BFSP1: variants seen among roughly 807,000 people sequenced by gnomAD.
BFSP1 encodes the protein filensin.
BFSP1 carries 38 observed loss-of-function variants against 43.9 expected under a neutral mutation model. The ratio of observed to expected loss-of-function variants is 0.87; its 90% CI spans 0.67 to 1.14. The LOEUF (loss-of-function observed/expected upper bound fraction) is 1.14, where lower values mean the gene tolerates loss of function less well. Ranked by LOEUF, BFSP1 falls within the 50% of genes most tolerant of loss-of-function variation. The pLI is 0.00. For synonymous variants in BFSP1, 352 were observed against 354.8 expected, an observed-to-expected ratio of 0.99 and a Z score of 0.09; for missense variants, 850 against 875.1, an observed-to-expected ratio of 0.97 and a Z score of 0.36.
At chr20:17,561,504 A>G (rs1316654141), upstream of BFSP1, among the ~76,000 whole-genome samples, 1 of 146,522 alleles carries the variant, frequency 6.8e-6, no homozygotes, top group East Asian at 1.9e-4. Context: ...GCCTCAAAGA[A>G]AAAAAAAAAA....
chr20:17,518,553 G>T lies in BFSP1; in HGVS notation c.439-3737C>A, dbSNP rs575406507. 2.0e-5 allele frequency among the ~76,000 whole-genome samples: 3 copies of T among 152,314 alleles called. No homozygotes were observed. The South Asian group carries it at 6.2e-4, about 32-fold the overall frequency. On this transcript the variant is annotated intron_variant, in intron 2 of 7. Coordinates refer to ENST00000377873, the MANE Select transcript of BFSP1 (RefSeq NM_001195.5). ...TTCCTACCGCAGGGGAAGTGGGCAG[G>T]CCCCTTGGAGATCCTGGTGTCTGGT... is the stretch of plus-strand genomic sequence containing the variant.
At chr20:17,514,608 C>T (rs1325289906) in intron 3 of BFSP1, 113 bp downstream of exon 3, 14 of 1,048,538 alleles carry the variant, frequency 1.3e-5, no homozygotes, top group East Asian at 5.0e-5. Context: ...CGAGGGAAAA[C>T]GCACAAAGGT....
chr20:17,494,184 T>C lies in BFSP1; in HGVS notation c.1888A>G (p.Lys630Glu), dbSNP rs1415196441. 26 of 1,613,946 alleles carry C rather than the reference T, an allele frequency of 1.6e-5. No individual in the cohort carries two copies. The highest frequency in any genetic ancestry group is 2.1e-5 in the Non-Finnish European group (25 of 1,180,060). The change falls in exon 8 of 8, where the codon AAG becomes GAG. Residue 630 changes from lysine (K) to glutamate (E), a missense_variant. Physicochemically the swap from Lys to Glu is moderately conservative, Grantham distance 56. Transcript: ENST00000377873. ...KTVEVVESIEKISTESIQTYE... is the reference protein window; with the variant it reads ...KTVEVVESIEEISTESIQTYE... Reference sequence around the variant, plus strand: ...GTCTGAATGCTCTCCGTGGAAATCTTCTCGATAGATTCCACCACTTCCACT... The same window carrying C: ...GTCTGAATGCTCTCCGTGGAAATCTCCTCGATAGATTCCACCACTTCCACT...
In BFSP1 at chr20:17,507,343, C is replaced by T. The variant is rs1331710238; in HGVS notation, c.735+1546G>A. Among the ~76,000 whole-genome samples, 1 of 150,720 alleles carries T rather than the reference C, an allele frequency of 6.6e-6. No homozygotes were observed. The highest frequency in any genetic ancestry group is 2.0e-4 in the East Asian group (1 of 5,102). On this transcript the variant is annotated intron_variant, in intron 5 of 7. Coordinates refer to ENST00000377873, the MANE Select transcript of BFSP1 (RefSeq NM_001195.5). The surrounding 1 kb of genome is among the most constrained non-coding windows in gnomAD (Gnocchi z 4.4). The stretch of plus-strand genomic sequence containing the variant: ...TCCATATGGATATAGAGAGATAAAA[C>T]AAGGGCTTCACAAAACAAATCCTCC...
Position 17,524,924 on chromosome 20 carries a change from A to AT in BFSP1, c.378-17dup. 6.2e-7 allele frequency: 1 copy of AT among 1,609,676 alleles called. No individual in the cohort carries two copies. Among genetic ancestry groups the AT allele is most frequent in the Non-Finnish European group, 8.5e-7 (1 of 1,175,916 alleles). On this transcript the variant is annotated splice_polypyrimidine_tract_variant and intron_variant, in intron 1 of 7. Transcript: ENST00000377873. ...ATTTTCATACCTGCAAATTGGACACATAAGTGAGAGTTGGGTAACTACCAT... is the reference window on the plus strand; with the variant it reads ...ATTTTCATACCTGCAAATTGGACACATTAAGTGAGAGTTGGGTAACTACCAT...
At position 17,498,858 on chromosome 20, in the gene BFSP1, C is replaced by T. The variant is rs376206412; in HGVS notation, c.918G>A (p.Leu306=). The change falls in exon 6 of 8, where the codon CTG becomes CTA. Residue 306 remains leucine, a synonymous_variant. Transcript: ENST00000377873. Reference sequence around the variant, plus strand: ...TCTCGATGATACGATGATACCGGTCCAGCTCATTCTTCAGGGTTTGCTGGG... The same window carrying T: ...TCTCGATGATACGATGATACCGGTCTAGCTCATTCTTCAGGGTTTGCTGGG... ...AVAQQTLKNE[L]DRYHRIIEIE... 1.1e-5 allele frequency: 18 copies of T among 1,613,472 alleles called. No individual in the cohort carries two copies. Among genetic ancestry groups the T allele is most frequent in the Non-Finnish European group, 1.5e-5 (18 of 1,180,048 alleles).
In BFSP1 at chr20:17,547,051, T is replaced by C. The variant is rs550816585; in HGVS notation, c.2+11637A>G. ...CAAAAAAAAAAAAAAAAAAAAAGAT[T>C]TGGGTGGGGACACAGAGCCAAACAA... is the stretch of plus-strand genomic sequence containing the variant. On this transcript the variant is annotated intron_variant, in intron 1 of 7. Transcript: ENST00000377868. 2.3e-3 allele frequency among the ~76,000 whole-genome samples: 341 copies of C among 150,230 alleles called. 6 individuals are homozygous for C. Among genetic ancestry groups the C allele is most frequent in the Admixed American group, 0.014 (217 of 15,110 alleles).
At chr20:17,550,415 G>C (rs978946403) in intron 1 of BFSP1, among the ~76,000 whole-genome samples, 2 of 150,170 alleles carry the variant, frequency 1.3e-5, no homozygotes, top group Non-Finnish European at 1.5e-5. Context: ...AAAGAAAACT[G>C]TTCTTGGCAT....
chr20:17,542,325 C>T (rs1011999090), intron 1 of BFSP1, among the ~76,000 whole-genome samples: 2 of 151,588 alleles, frequency 1.3e-5, no homozygotes, highest in Non-Finnish European at 2.9e-5. Flanking sequence ...CATTGTGGCT[C>T]ATGCCTGTAA....
chr20:17,534,075 A>G (rs2034591292), upstream of BFSP1, among the ~76,000 whole-genome samples: 1 of 152,244 alleles, frequency 6.6e-6, no homozygotes, highest in Non-Finnish European at 1.5e-5. Flanking sequence ...ATATTTGTCA[A>G]CAGCCCTAAA....
At chr20:17,552,567 A>G (rs2034912887) in intron 1 of BFSP1, among the ~76,000 whole-genome samples, 1 of 152,232 alleles carries the variant, frequency 6.6e-6, no homozygotes, top group African/African-American at 2.4e-5. Context: ...TAGCAGAAGC[A>G]GAGAGACCAG....
At chr20:17,514,879 G>T in intron 2 of BFSP1, 63 bp from the exon 3 acceptor site, 3 of 1,455,050 alleles carry the variant, frequency 2.1e-6, no homozygotes, top group Non-Finnish European at 2.9e-6. Context: ...AAAGCTGGCC[G>T]GGTATATGAG....
chr20:17,530,493 G>A (rs2034510345), intron 1 of BFSP1, among the ~76,000 whole-genome samples: 2 of 152,232 alleles, frequency 1.3e-5, no homozygotes, highest in South Asian at 4.1e-4. Context: ...TATTTTTGTG[G>A]AACTGTAGAA....
intron 1 of BFSP1, 23 bp downstream of exon 1, chr20:17,530,930 T>C: frequency 7.2e-7 from 1 of 1,392,518 alleles, no homozygotes; most frequent in South Asian, 1.6e-5. Flanking sequence ...CTGCCTCGGT[T>C]TCCCCCGATG....
At chr20:17,558,887 G>A in exon 1 of BFSP1, 1 of 630,700 alleles carries the variant, frequency 1.6e-6, no homozygotes, top group Non-Finnish European at 2.6e-6. Context: ...CTCAAGGGGT[G>A]GGAGGGAAGG....
chr20:17,507,641 TCA>T lies in BFSP1; in HGVS notation c.735+1246_735+1247del, dbSNP rs144501498. On this transcript the variant is annotated intron_variant, in intron 5 of 7. Transcript: ENST00000377873. This position sits in a 1 kb window ranked among gnomAD's most constrained non-coding sequence, Gnocchi z 4.4. Reference sequence around the variant, plus strand: ...ACATATATCACACATACCATGTATATCACACACACACACCCCATGTACACAAA... The same window carrying T: ...ACATATATCACACATACCATGTATATCACACACACACCCCATGTACACAAA... Among the ~76,000 whole-genome samples, 2 of 151,598 alleles carry T rather than the reference TCA, an allele frequency of 1.3e-5. No homozygotes were observed. Among genetic ancestry groups the T allele is most frequent in the African/African-American group, 2.4e-5 (1 of 41,232 alleles).
intron 3 of BFSP1, among the ~76,000 whole-genome samples, chr20:17,513,187 G>A (rs570230908): frequency 1.3e-5 from 2 of 152,142 alleles, no homozygotes; most frequent in African/African-American, 2.4e-5. Context: ...GCTGGACTCC[G>A]GCTGAGGACA....
chr20:17,551,706 G>A (rs1200282661), intron 1 of BFSP1, among the ~76,000 whole-genome samples: 2 of 152,142 alleles, frequency 1.3e-5, no homozygotes, highest in African/African-American at 4.8e-5. Flanking sequence ...AATAAGGCTG[G>A]GTGTGACGGC....
chr20:17,502,962 A>T (rs1360119674), intron 5 of BFSP1, among the ~76,000 whole-genome samples: 1 of 152,170 alleles, frequency 6.6e-6, no homozygotes, highest in Admixed American at 6.5e-5. Flanking sequence ...GGGGCTGTAG[A>T]GAACATAGAG....
Sources: allele counts gnomAD v4.1 joint callset (sites outside exome capture counted in the v4.1 genomes callset), GRCh38; gene constraint gnomAD v4.1.1; non-coding constraint Gnocchi (gnomAD v3.1); transcripts MANE v1.5; gene names NCBI Gene and HGNC (gene_info 2026-07-23, HGNC 2026-07-21).